KCND2: variants seen among roughly 807,000 people sequenced by gnomAD.
KCND2 encodes the protein potassium voltage-gated channel subfamily D member 2.
KCND2 carries 16 observed loss-of-function variants against 54.4 expected under a neutral mutation model. The ratio of observed to expected loss-of-function variants is 0.29; its 90% CI spans 0.20 to 0.45. KCND2 has a LOEUF of 0.45. Among genes scored for constraint, KCND2 ranks in the 20% least tolerant of loss-of-function variants. The pLI, the probability that KCND2 is intolerant of heterozygous loss-of-function variation, is 1.00. For missense variants in KCND2, 486 were observed against 824.2 expected, an observed-to-expected ratio of 0.59 and a Z score of 5.02; for synonymous variants, 317 against 310.7, an observed-to-expected ratio of 1.02 and a Z score of -0.21.
chr7:120,403,009 A>G (rs1387177139), intron 1 of KCND2, among the ~76,000 whole-genome samples: 2 of 152,198 alleles, frequency 1.3e-5, no homozygotes, highest in East Asian at 1.9e-4. Context: ...CTGAACTTAC[A>G]TAACAATGTG....
At chr7:120,463,126 C>CT in intron 1 of KCND2, among the ~76,000 whole-genome samples, 1 of 152,126 alleles carries the variant, frequency 6.6e-6, no homozygotes. Context: ...TGAGTATCCA[C>CT]TTTTTAGATG....
intron 1 of KCND2, among the ~76,000 whole-genome samples, chr7:120,364,060 AC>A (rs1800633054): frequency 6.6e-6 from 1 of 152,122 alleles, no homozygotes; most frequent in Non-Finnish European, 1.5e-5. Context: ...CATCCCAAGC[AC>A]CTAAAACAGT....
At chr7:120,317,166 T>C (rs575046342) in intron 1 of KCND2, among the ~76,000 whole-genome samples, 1 of 152,274 alleles carries the variant, frequency 6.6e-6, no homozygotes, top group Admixed American at 6.5e-5. Context: ...GAATCATTTA[T>C]ATATTCAACA....
intron 1 of KCND2, among the ~76,000 whole-genome samples, chr7:120,440,423 T>C (rs537249605): frequency 6.6e-6 from 1 of 152,222 alleles, no homozygotes; most frequent in Admixed American, 6.5e-5. Context: ...AAATATTTTC[T>C]TCTATACTGT....
intron 1 of KCND2, among the ~76,000 whole-genome samples, chr7:120,348,177 G>T (rs187835513): frequency 6.6e-6 from 1 of 152,110 alleles, no homozygotes; most frequent in Non-Finnish European, 1.5e-5. Context: ...ACGCTATAAT[G>T]CTATCTCTTT....
Position 120,274,276 on chromosome 7 carries a change from T to C in KCND2, c.-357T>C. 2.5e-6 allele frequency: 1 copy of C among 403,774 alleles called. No individual in the cohort carries two copies. Among genetic ancestry groups the C allele is most frequent in the Non-Finnish European group, 4.6e-6 (1 of 218,584 alleles). 25.0% of individuals were successfully genotyped at this position (403,774 alleles called of 1,614,324 possible). A position where few individuals can be genotyped will look rare whatever the true frequency, so the allele number is the denominator to read the frequency against. Reference sequence around the variant, plus strand: ...CATACTGACCCTATATTATCCAGACTGTGCCGGGGAGAAATCAAAAACACC... The same window carrying C: ...CATACTGACCCTATATTATCCAGACCGTGCCGGGGAGAAATCAAAAACACC... On this transcript the variant is annotated 5_prime_UTR_variant, in exon 1 of 6. Transcript: ENST00000331113.
chr7:120,559,856 A>G (rs560583764), intron 1 of KCND2, among the ~76,000 whole-genome samples: 1 of 152,162 alleles, frequency 6.6e-6, no homozygotes, highest in South Asian at 2.1e-4. Context: ...AACCAAGAGA[A>G]AATTAAGCAA....
rs1563013439 is a variant in KCND2 at position 120,335,616 on chromosome 7, GC to G, written c.1115+59870del. 8.6e-5 allele frequency among the ~76,000 whole-genome samples: 13 copies of G among 151,772 alleles called. No individual in the cohort carries two copies. The South Asian group carries it at 2.7e-3, about 32-fold the overall frequency. On this transcript the variant is annotated intron_variant, in intron 1 of 5. Transcript: ENST00000331113. ...TTCTCCTGCCTCAGCCTCCTGGGTA[GC>G]TGGGACTACAGGCGCCCCCCACCAC...
At chr7:120,419,458 A>G (rs1801576847) in intron 1 of KCND2, among the ~76,000 whole-genome samples, 1 of 152,220 alleles carries the variant, frequency 6.6e-6, no homozygotes, top group African/African-American at 2.4e-5. Context: ...GCAATGTGTT[A>G]CAAGTCTTTT....
rs147065069 is a variant in KCND2 at position 120,274,701 on chromosome 7, C to G, written c.69C>G (p.Ala23=). Residue 23 remains alanine, a synonymous_variant, in exon 1 of 6, where the codon GCC becomes GCG. Coordinates refer to ENST00000331113, the MANE Select transcript of KCND2 (RefSeq NM_012281.3). ...CGGCTATCGGGTGGATGCCTGTGGC[C>G]TCGGGGCCTATGCCGGCTCCCCCGA... The part of the protein sequence containing the change: ...RAAAIGWMPV[A]SGPMPAPPRQ... 13 of 1,613,794 alleles carry G rather than the reference C, an allele frequency of 8.1e-6. No individual in the cohort carries two copies. The highest frequency in any genetic ancestry group is 3.4e-6 in the Non-Finnish European group (4 of 1,179,988).
chr7:120,321,083 T>G (rs1429610344), intron 1 of KCND2, among the ~76,000 whole-genome samples: 1 of 152,178 alleles, frequency 6.6e-6, no homozygotes, highest in Non-Finnish European at 1.5e-5. Context: ...TGTATGCATT[T>G]GTAAATTAAT....
At chr7:120,724,612 C>T (rs577447397) in intron 1 of KCND2, among the ~76,000 whole-genome samples, 2 of 152,216 alleles carry the variant, frequency 1.3e-5, no homozygotes, top group African/African-American at 4.8e-5. Flanking sequence ...CTCTTTCCTG[C>T]AGGTGATGGA....
At chr7:120,556,543 G>T (rs1241841217) in intron 1 of KCND2, among the ~76,000 whole-genome samples, 2 of 152,198 alleles carry the variant, frequency 1.3e-5, no homozygotes, top group Admixed American at 1.3e-4. Context: ...CCAGGAATTT[G>T]CTTCCCTTTT....
chr7:120,556,213 G>A (rs1298421776), intron 1 of KCND2, among the ~76,000 whole-genome samples: 6 of 152,220 alleles, frequency 3.9e-5, no homozygotes, highest in South Asian at 2.1e-4. Flanking sequence ...CAATGCGTCC[G>A]AAATGAGGGG....
At chr7:120,362,317 C>T (rs1385381873) in intron 1 of KCND2, among the ~76,000 whole-genome samples, 1 of 152,044 alleles carries the variant, frequency 6.6e-6, no homozygotes, top group East Asian at 1.9e-4. Context: ...TGGTTTAAAT[C>T]TGAGACTATC....
At chr7:120,481,049 T>C (rs1483138727) in intron 1 of KCND2, among the ~76,000 whole-genome samples, 1 of 152,162 alleles carries the variant, frequency 6.6e-6, no homozygotes, top group Admixed American at 6.6e-5. Flanking sequence ...ATTACTTAAG[T>C]GGTTGTGAAC....
intron 1 of KCND2, among the ~76,000 whole-genome samples, chr7:120,579,601 AAAATAAAT>A (rs369944416): frequency 0.076 from 10,610 of 140,284 alleles, 474 homozygotes; most frequent in Non-Finnish European, 0.096. Context: ...ACTCTGTCTA[AAAATAAAT>A]AAATAAATAA....
At chr7:120,357,495 G>A (rs897270058) in intron 1 of KCND2, among the ~76,000 whole-genome samples, 4 of 152,090 alleles carry the variant, frequency 2.6e-5, no homozygotes, top group Admixed American at 2.6e-4. Context: ...ATACCTACAT[G>A]CAATAATCTT....
At chr7:120,678,947 A>G (rs933579836) in intron 1 of KCND2, among the ~76,000 whole-genome samples, 31 of 151,612 alleles carry the variant, frequency 2.0e-4, no homozygotes, top group Non-Finnish European at 4.6e-4. Flanking sequence ...ACTTTCTAAA[A>G]TATTGATATT....
Sources: allele counts gnomAD v4.1 joint callset (sites outside exome capture counted in the v4.1 genomes callset), GRCh38; gene constraint gnomAD v4.1.1; transcripts MANE v1.5; gene names NCBI Gene and HGNC (gene_info 2026-07-23, HGNC 2026-07-21).